GTSE1: variants seen among roughly 807,000 people sequenced by gnomAD.
GTSE1 encodes the protein G2 and S-phase expressed 1.
GTSE1 carries 52 observed loss-of-function variants against 60.5 expected under a neutral mutation model. The ratio of observed to expected loss-of-function variants is 0.86; its 90% CI spans 0.69 to 1.08. The LOEUF (loss-of-function observed/expected upper bound fraction) is 1.08. Ranked by LOEUF, GTSE1 falls within the 50% of genes least tolerant of loss-of-function variation. GTSE1 has a pLI of 0.00. For missense variants in GTSE1, 937 were observed against 961.8 expected (o/e 0.97, Z 0.34); for synonymous variants, 368 against 386.5 (o/e 0.95, Z 0.56).
Position 46,304,259 on chromosome 22 carries a change from G to A in GTSE1, c.80-3891G>A, listed in dbSNP as rs2077704783. Reference sequence around the variant, plus strand: ...TCCTCCTTGGCCTCCCATAGTGCTGGGATTACAGGCACAGGCCACCATACC... The same window carrying A: ...TCCTCCTTGGCCTCCCATAGTGCTGAGATTACAGGCACAGGCCACCATACC... On this transcript the variant is annotated intron_variant, in intron 2 of 11. Transcript: ENST00000454366. This position sits in a 1 kb window ranked among gnomAD's most constrained non-coding sequence, Gnocchi z 4.4. Among the ~76,000 whole-genome samples, 1 of 152,048 alleles carries A rather than the reference G, an allele frequency of 6.6e-6. No individual in the cohort carries two copies. Among genetic ancestry groups the A allele is most frequent in the Non-Finnish European group, 1.5e-5 (1 of 68,010 alleles).
In GTSE1 at chr22:46,314,331, T is replaced by G. The variant is rs192110142; in HGVS notation, c.1051+318T>G. ...ATGTCCATGTCATGAGACACCAGTT[T>G]TAAAATAGGACTATTCCAGATAATG... On this transcript the variant is annotated intron_variant, in intron 6 of 11. Coordinates refer to ENST00000454366, the MANE Select transcript of GTSE1 (RefSeq NM_016426.7). This position sits in a 1 kb window ranked among gnomAD's most constrained non-coding sequence, Gnocchi z 7.1. 1.1e-3 allele frequency among the ~76,000 whole-genome samples: 172 copies of G among 152,276 alleles called. 1 individual carries two copies. Among genetic ancestry groups the G allele is most frequent in the Middle Eastern group, 3.4e-3 (1 of 294 alleles).
intron 5 of GTSE1, 41 bp downstream of exon 5, chr22:46,312,346 A>C: frequency 1.9e-6 from 3 of 1,573,184 alleles, no homozygotes; most frequent in Non-Finnish European, 2.6e-6. Context: ...GTTGCTGGGA[A>C]TGAGGTGGCA....
At chr22:46,312,342 G>A (rs371202653) in intron 5 of GTSE1, 37 bp downstream of exon 5, 1 of 1,583,160 alleles carries the variant, frequency 6.3e-7, no homozygotes, top group African/African-American at 1.4e-5. Flanking sequence ...TGTGGTTGCT[G>A]GGAATGAGGT....
In GTSE1 at chr22:46,321,121, C is replaced by T. The variant is rs748764543; in HGVS notation, c.1433-2069C>T. Among the ~76,000 whole-genome samples, 5 of 152,058 alleles carry T rather than the reference C, an allele frequency of 3.3e-5. No individual in the cohort carries two copies. Among genetic ancestry groups the T allele is most frequent in the African/African-American group, 4.8e-5 (2 of 41,392 alleles). On this transcript the variant is annotated intron_variant, in intron 7 of 11. Coordinates refer to ENST00000454366, the MANE Select transcript of GTSE1 (RefSeq NM_016426.7). The surrounding 1 kb of genome is among the most constrained non-coding windows in gnomAD (Gnocchi z 4.0). ...CTCACAGAGACCTCTGTGAATGGTG[C>T]GGGGTCAGTGACCCAAGAATGTTCC...
At chr22:46,311,960 A>G (rs948215732) in intron 4 of GTSE1, among the ~76,000 whole-genome samples, 181 bp from the exon 5 acceptor site, 4 of 152,172 alleles carry the variant, frequency 2.6e-5, no homozygotes, top group African/African-American at 4.8e-5. Context: ...ACTTATGTCC[A>G]TAGTGATTTG....
chr22:46,309,878 G>T lies in GTSE1; in HGVS notation c.762+935G>T, dbSNP rs2077738730. 6.6e-6 allele frequency among the ~76,000 whole-genome samples: 1 copy of T among 152,248 alleles called. No individual in the cohort carries two copies. The highest frequency in any genetic ancestry group is 2.1e-4 in the South Asian group (1 of 4,836). On this transcript the variant is annotated intron_variant, in intron 4 of 11. Transcript: ENST00000454366. This position sits in a 1 kb window ranked among gnomAD's most constrained non-coding sequence, Gnocchi z 6.2. ...TGTTTCTAGAATGAGAGTGGGATGG[G>T]TCCTGCTGTGTGGAGCACACGTGGA...
Position 46,312,132 on chromosome 22 carries a change from A to T in GTSE1, c.763-9A>T. 1 of 1,608,224 alleles carries T rather than the reference A, an allele frequency of 6.2e-7. No homozygotes were observed. The highest frequency in any genetic ancestry group is 8.5e-7 in the Non-Finnish European group (1 of 1,176,642). On this transcript the variant is annotated splice_polypyrimidine_tract_variant and intron_variant, in intron 4 of 11. Transcript: ENST00000454366. ...AGACAGTTCTCACAGTTCAAATTAAAATTTTCAGCCCAAGAAAGAGATTCC... is the reference window on the plus strand; with the variant it reads ...AGACAGTTCTCACAGTTCAAATTAATATTTTCAGCCCAAGAAAGAGATTCC...
chr22:46,306,849 C>T (rs1273313475), intron 2 of GTSE1, among the ~76,000 whole-genome samples: 2 of 152,168 alleles, frequency 1.3e-5, no homozygotes, highest in African/African-American at 4.8e-5. Flanking sequence ...CAGTATTGAG[C>T]AAATACTGTA....
chr22:46,299,226 C>T (rs544442091), intron 2 of GTSE1, among the ~76,000 whole-genome samples: 2 of 152,354 alleles, frequency 1.3e-5, no homozygotes, highest in South Asian at 4.1e-4. Flanking sequence ...CCTCTGCTGT[C>T]TTCTGAGGCT....
At chr22:46,300,046 G>C (rs1049820370) in intron 2 of GTSE1, among the ~76,000 whole-genome samples, 1 of 146,586 alleles carries the variant, frequency 6.8e-6, no homozygotes, top group African/African-American at 2.5e-5. Flanking sequence ...CTCGTGATCT[G>C]CCCGCCTGGG....
In GTSE1 at chr22:46,314,702, C is replaced by G. The variant is rs978973545; in HGVS notation, c.1051+689C>G. Among the ~76,000 whole-genome samples the G allele has an allele frequency of 6.6e-6, 1 of 151,956 alleles. No homozygotes were observed. The highest frequency in any genetic ancestry group is 2.4e-5 in the African/African-American group (1 of 41,386). On this transcript the variant is annotated intron_variant, in intron 6 of 11. Coordinates refer to ENST00000454366, the MANE Select transcript of GTSE1 (RefSeq NM_016426.7). This position sits in a 1 kb window ranked among gnomAD's most constrained non-coding sequence, Gnocchi z 7.1. ...ACCAGCCTGGCCAACATGGTGAAAC[C>G]CTGTCTCTACTAAAAACACAAAAAC...
rs1294534353 is a variant in GTSE1 at position 46,324,413 on chromosome 22, G to A, written c.1505+1151G>A. Among the ~76,000 whole-genome samples, 1 of 151,936 alleles carries A rather than the reference G, an allele frequency of 6.6e-6. No individual in the cohort carries two copies. The highest frequency in any genetic ancestry group is 2.4e-5 in the African/African-American group (1 of 41,346). On this transcript the variant is annotated intron_variant, in intron 8 of 11. Coordinates refer to ENST00000454366, the MANE Select transcript of GTSE1 (RefSeq NM_016426.7). The surrounding 1 kb of genome is among the most constrained non-coding windows in gnomAD (Gnocchi z 5.2). ...GACAGAGTCTCACTCTGTCACCCAGGCTGGAGGGCAGTGGCACGATCTCAG... is the reference window on the plus strand; with the variant it reads ...GACAGAGTCTCACTCTGTCACCCAGACTGGAGGGCAGTGGCACGATCTCAG...
chr22:46,298,457 G>A (rs2077670433), intron 2 of GTSE1, among the ~76,000 whole-genome samples: 1 of 151,828 alleles, frequency 6.6e-6, no homozygotes, highest in Non-Finnish European at 1.5e-5. Flanking sequence ...ACAGGCACCC[G>A]CCACCACACC....
Position 46,326,598 on chromosome 22 carries a change from CCT to C in GTSE1, c.1669_1670del (p.Leu557ValfsTer10), listed in dbSNP as rs751070946. The C allele has an allele frequency of 1.2e-6, 2 of 1,613,752 alleles. No homozygotes were observed. Among genetic ancestry groups the C allele is most frequent in the Admixed American group, 1.7e-5 (1 of 59,992 alleles). On this transcript the variant is annotated frameshift_variant, in exon 9 of 12. Coordinates refer to ENST00000454366, the MANE Select transcript of GTSE1 (RefSeq NM_016426.7). LOFTEE classifies it high-confidence loss of function. ...CGATGCCCAGGGCCGTGGGCTCTCC[CCT>C]GTGTGTGCCAGCTCGGAGACGTTCC... ...KTMPRAVGSP[L>X]CVPARRRSSE...
rs1353165293 is a variant in GTSE1 at position 46,326,434 on chromosome 22, A to G, written c.1506-2A>G. On this transcript the variant is annotated splice_acceptor_variant, in intron 8 of 11. Coordinates refer to ENST00000454366, the MANE Select transcript of GTSE1 (RefSeq NM_016426.7). LOFTEE classifies it high-confidence loss of function. Reference sequence around the variant, plus strand: ...TCACGACACTGATGTTGTGTTTGCCAGGGTCACTGTCCACAGCACCCCGGT... The same window carrying G: ...TCACGACACTGATGTTGTGTTTGCCGGGGTCACTGTCCACAGCACCCCGGT... The G allele has an allele frequency of 1.3e-6, 2 of 1,594,778 alleles. No individual in the cohort carries two copies. The highest frequency in any genetic ancestry group is 1.7e-6 in the Non-Finnish European group (2 of 1,165,650).
At chr22:46,311,235 G>A (rs190518822) in intron 4 of GTSE1, among the ~76,000 whole-genome samples, 6 of 151,956 alleles carry the variant, frequency 3.9e-5, no homozygotes, top group East Asian at 1.9e-4. Flanking sequence ...CCGCCACCAC[G>A]CCCGGCTAAT....
intron 7 of GTSE1, among the ~76,000 whole-genome samples, chr22:46,322,844 C>T (rs1490005312): frequency 6.6e-6 from 1 of 152,196 alleles, no homozygotes; most frequent in African/African-American, 2.4e-5. Flanking sequence ...ATGCAGGTGC[C>T]GTCTGACAAG....
chr22:46,306,460 C>T (rs184490141), intron 2 of GTSE1, among the ~76,000 whole-genome samples: 353 of 148,702 alleles, frequency 2.4e-3, no homozygotes, highest in African/African-American at 8.2e-3. Flanking sequence ...GGATTACAGG[C>T]GTGAGCCATT....
Position 46,316,252 on chromosome 22 carries a change from G to C in GTSE1, c.1272G>C (p.Pro424=), listed in dbSNP as rs201679560. 12 of 1,613,818 alleles carry C rather than the reference G, an allele frequency of 7.4e-6. No homozygotes were observed. The highest frequency in any genetic ancestry group is 1.0e-5 in the Non-Finnish European group (12 of 1,180,022). The change falls in exon 7 of 12, where the codon CCG becomes CCC. Residue 424 remains proline, a synonymous_variant. Transcript: ENST00000454366. The surrounding 1 kb of genome is among the most constrained non-coding windows in gnomAD (Gnocchi z 5.0). ...PSASPTQPQT[P]EGGGQWLNSS... ...CATCCCCCACCCAACCCCAGACTCC[G>C]GAAGGTGGCGGCCAGTGGCTGAACT...
Sources: gnomAD v4.1 joint callset for allele counts (sites outside exome capture counted in the v4.1 genomes callset) on GRCh38, gnomAD v4.1.1 for gene constraint, Gnocchi (gnomAD v3.1) non-coding constraint, MANE v1.5 for transcripts, NCBI Gene and HGNC (gene_info 2026-07-23, HGNC 2026-07-21) for gene names.